The following CRKL variants were observed in gnomAD, a reference collection of about 807,000 sequenced individuals.
CRKL encodes the protein crk-like protein.
Under a neutral mutation model 23.0 loss-of-function variants are expected in CRKL, and 3 were observed. The observed-to-expected ratio is 0.13, with a 90% confidence interval of 0.06 to 0.34. The LOEUF (loss-of-function observed/expected upper bound fraction) is 0.34. Among genes scored for constraint, CRKL ranks in the 10% least tolerant of loss-of-function variants. CRKL has a pLI of 1.00. For missense variants in CRKL, 256 were observed against 394.5 expected, an observed-to-expected ratio of 0.65 and a Z score of 2.97; for synonymous variants, 188 against 160.7, an observed-to-expected ratio of 1.17 and a Z score of -1.28.
Position 20,928,851 on chromosome 22 carries a change from C to T in CRKL, c.312-4928C>T, listed in dbSNP as rs575225291. Among the ~76,000 whole-genome samples the T allele has an allele frequency of 6.1e-5, 9 of 148,368 alleles. No homozygotes were observed. In the South Asian group the frequency reaches 1.7e-3, roughly 28 times the overall value. ...AAAAAAAAAAAAGGAATATTACCAG[C>T]ACCTTTGAAACTTCCTTTTTCTAGA... On this transcript the variant is annotated intron_variant, in intron 1 of 2. Coordinates refer to ENST00000354336, the MANE Select transcript of CRKL (RefSeq NM_005207.4).
intron 2 of CRKL, among the ~76,000 whole-genome samples, chr22:20,947,811 C>A (rs1247638249): frequency 6.6e-6 from 1 of 150,454 alleles, no homozygotes; most frequent in Admixed American, 6.6e-5. Flanking sequence ...CCTCATTCTC[C>A]CAAGTAGCTG....
intron 2 of CRKL, among the ~76,000 whole-genome samples, chr22:20,937,917 TGGAGTGCAGTG>T (rs1921723202): frequency 6.6e-6 from 1 of 152,150 alleles, no homozygotes; most frequent in East Asian, 1.9e-4. Context: ...TCACTCAGGC[TGGAGTGCAGTG>T]GCATGATCTC....
chr22:20,937,683 C>A (rs116424571), intron 2 of CRKL, among the ~76,000 whole-genome samples: 2,405 of 151,276 alleles, frequency 0.016, 45 homozygotes, highest in Middle Eastern at 0.065. Flanking sequence ...TCTCTCTGGC[C>A]CCAGAGAGAG....
chr22:20,934,455 C>T (rs573880572), intron 2 of CRKL, among the ~76,000 whole-genome samples: 2 of 152,210 alleles, frequency 1.3e-5, no homozygotes, highest in African/African-American at 4.8e-5. Context: ...AGGCTGATTT[C>T]GAGGTCCTGG....
intron 2 of CRKL, among the ~76,000 whole-genome samples, chr22:20,946,296 C>G (rs771355720): frequency 1.4e-4 from 22 of 152,162 alleles, no homozygotes; most frequent in Non-Finnish European, 2.5e-4. Context: ...CTGGACAACA[C>G]TCTGGACAAG....
rs539479362 is a variant in CRKL, at chr22:20,947,255, T to C, written c.778-2456T>C. ...TGTCTCTCTCTCTTTTTTTTTTTTT[T>C]CAATAGAAGCTAGGTCTCACTATGT... is the stretch of plus-strand genomic sequence containing the variant. On this transcript the variant is annotated intron_variant, in intron 2 of 2. Transcript: ENST00000354336. Among the ~76,000 whole-genome samples, 74 of 151,990 alleles carry C rather than the reference T, an allele frequency of 4.9e-4. No homozygotes were observed. The South Asian group carries it at 5.8e-3, about 12-fold the overall frequency.
Position 20,924,023 on chromosome 22 carries a change from C to CAAAAAATT in CRKL, c.311+5788_311+5795dup, listed in dbSNP as rs768342432. ...GCAAGATAGTGAGACCCCATTCCCA[C>CAAAAAATT]AAAAAATTAAAAAATTAGCTGAGCA... On this transcript the variant is annotated intron_variant, in intron 1 of 2. Transcript: ENST00000354336. Among the ~76,000 whole-genome samples the CAAAAAATT allele has an allele frequency of 1.7e-3, 263 of 152,048 alleles. 1 individual carries two copies. The Middle Eastern group carries it at 0.02, about 12-fold the overall frequency.
intron 2 of CRKL, among the ~76,000 whole-genome samples, chr22:20,938,922 G>A (rs151197692): frequency 2.6e-4 from 40 of 152,232 alleles, no homozygotes; most frequent in African/African-American, 9.4e-4. Context: ...GAAACAGATC[G>A]TGTGGAGGAA....
At chr22:20,924,809 C>T (rs574937505) in intron 1 of CRKL, among the ~76,000 whole-genome samples, 1 of 152,262 alleles carries the variant, frequency 6.6e-6, no homozygotes, top group Non-Finnish European at 1.5e-5. Flanking sequence ...AGCTGGACTC[C>T]ATCCTGGGCG....
At chr22:20,927,132 A>AAAAAAAAAAAAAAAG (rs1921241067) in intron 1 of CRKL, among the ~76,000 whole-genome samples, 2 of 141,418 alleles carry the variant, frequency 1.4e-5, no homozygotes, top group East Asian at 4.2e-4. Context: ...AAAAAAAAAA[A>AAAAAAAAAAAAAAAG]AAAAGAATGG....
intron 1 of CRKL, among the ~76,000 whole-genome samples, chr22:20,919,523 T>G (rs1338952120): frequency 7.2e-5 from 11 of 152,220 alleles, no homozygotes; most frequent in Non-Finnish European, 1.5e-5. Context: ...ATTAGTTGCT[T>G]TAATTTGCCT....
At chr22:20,944,657 C>A (rs764607663) in intron 2 of CRKL, among the ~76,000 whole-genome samples, 8 of 152,168 alleles carry the variant, frequency 5.3e-5, no homozygotes, top group Non-Finnish European at 1.0e-4. Flanking sequence ...CCTGCCTCGG[C>A]CTCCCAAAGT....
rs1401189892 is a variant in CRKL at position 20,951,747 on chromosome 22, A to T, written c.*1902A>T. On this transcript the variant is annotated 3_prime_UTR_variant, in exon 3 of 3. Coordinates refer to ENST00000354336, the MANE Select transcript of CRKL (RefSeq NM_005207.4). Reference sequence around the variant, plus strand: ...TTTTTCAATTTTTCTTTAAATCAGTATTCCATCAGGCAGATAACTGCTGTA... The same window carrying T: ...TTTTTCAATTTTTCTTTAAATCAGTTTTCCATCAGGCAGATAACTGCTGTA... The T allele has an allele frequency of 4.5e-6, 1 of 221,674 alleles. No homozygotes were observed. The highest frequency in any genetic ancestry group is 2.2e-5 in the African/African-American group (1 of 44,734). The allele number at this position is 221,674 out of a possible 1,614,324, so 13.7% of individuals were successfully genotyped here. A position where few individuals can be genotyped will look rare whatever the true frequency, so the allele number is the denominator to read the frequency against.
At chr22:20,927,585 G>A (rs1013334198) in intron 1 of CRKL, among the ~76,000 whole-genome samples, 1 of 146,396 alleles carries the variant, frequency 6.8e-6, no homozygotes, top group South Asian at 2.2e-4. Context: ...GCTCACGCCT[G>A]TAATCTCAGC....
At position 20,953,614 on chromosome 22, in the gene CRKL, T is replaced by A. The variant is rs1271131577; in HGVS notation, c.*3769T>A. The A allele has an allele frequency of 4.7e-6, 1 of 213,012 alleles. No individual in the cohort carries two copies. Among genetic ancestry groups the A allele is most frequent in the Non-Finnish European group, 9.5e-6 (1 of 105,104 alleles). The allele number at this position is 213,012 out of a possible 1,614,324, so 13.2% of individuals were successfully genotyped here. On this transcript the variant is annotated 3_prime_UTR_variant, in exon 3 of 3. Transcript: ENST00000354336. ...ATATTCTTAGAATACATCGAGTGTC[T>A]TTTCTTAACAGATTAGTGCCTTTTT... is the stretch of plus-strand genomic sequence containing the variant.
chr22:20,935,191 C>T (rs1921607496), intron 2 of CRKL, among the ~76,000 whole-genome samples: 1 of 152,128 alleles, frequency 6.6e-6, no homozygotes, highest in African/African-American at 2.4e-5. Flanking sequence ...TGCCTCATGG[C>T]AACGTCTGCC....
In CRKL at chr22:20,927,128, A is replaced by AAAAAAAAAG. The variant is rs1308213608; in HGVS notation, c.312-6648_312-6640dup. On this transcript the variant is annotated intron_variant, in intron 1 of 2. Coordinates refer to ENST00000354336, the MANE Select transcript of CRKL (RefSeq NM_005207.4). ...CTCCGTCTCAAAAAAAAAAAAAAAA[A>AAAAAAAAAG]AAAAAAAAGAATGGTGGTTAAAGCA... 8.3e-3 allele frequency among the ~76,000 whole-genome samples: 1,017 copies of AAAAAAAAAG among 122,720 alleles called. 8 individuals are homozygous for AAAAAAAAAG. Among genetic ancestry groups the AAAAAAAAAG allele is most frequent in the East Asian group, 0.029 (88 of 3,056 alleles). The allele number at this position is 122,720 out of a possible 152,430, so 80.5% of individuals were successfully genotyped here. A position where few individuals can be genotyped will look rare whatever the true frequency, so the allele number is the denominator to read the frequency against.
chr22:20,924,833 C>G (rs902564098), intron 1 of CRKL, among the ~76,000 whole-genome samples: 6 of 151,710 alleles, frequency 4.0e-5, no homozygotes, highest in African/African-American at 1.5e-4. Flanking sequence ...GAGTGAGACT[C>G]TCTCCAAAAA....
At chr22:20,919,710 T>G (rs897575762) in intron 1 of CRKL, among the ~76,000 whole-genome samples, 1 of 152,180 alleles carries the variant, frequency 6.6e-6, no homozygotes, top group Non-Finnish European at 1.5e-5. Context: ...GGACTGGGTG[T>G]TGATACAGTT....
Sources: allele counts gnomAD v4.1 joint callset (sites outside exome capture counted in the v4.1 genomes callset), GRCh38; gene constraint gnomAD v4.1.1; transcripts MANE v1.5; gene names NCBI Gene and HGNC (gene_info 2026-07-23, HGNC 2026-07-21).